The following FHIT variants were observed in gnomAD, a reference collection of about 807,000 sequenced individuals.
The protein encoded by FHIT is fragile histidine triad diadenosine triphosphatase.
FHIT carries 19 observed loss-of-function variants against 17.9 expected under a neutral mutation model. The observed-to-expected ratio is 1.06, with a 90% confidence interval of 0.74 to 1.56. The LOEUF (loss-of-function observed/expected upper bound fraction) is 1.56. Among genes scored for constraint, FHIT ranks in the 40% most tolerant of loss-of-function variants. The probability of loss-of-function intolerance (pLI) is 0.00; values close to 1 mark genes in which losing one functional copy is unlikely to be tolerated. For missense variants in FHIT, 248 were observed against 189.2 expected, an observed-to-expected ratio of 1.31 and a Z score of -1.82; for synonymous variants, 81 against 69.7, an observed-to-expected ratio of 1.16 and a Z score of -0.81.
chr3:60,699,043 A>T (rs373532745), intron 4 of FHIT, among the ~76,000 whole-genome samples: 14 of 152,322 alleles, frequency 9.2e-5, no homozygotes, highest in East Asian at 3.9e-4. Context: ...CATAAGTAAC[A>T]ATCTGTATCA....
chr3:60,094,295 A>T (rs1183268096), intron 5 of FHIT, among the ~76,000 whole-genome samples: 2 of 152,196 alleles, frequency 1.3e-5, no homozygotes, highest in Non-Finnish European at 2.9e-5. Context: ...GTGTGAAGGC[A>T]TCTAAACAAT....
chr3:61,205,071 G>A (rs1023011019), intron 1 of FHIT, among the ~76,000 whole-genome samples: 4 of 150,264 alleles, frequency 2.7e-5, no homozygotes, highest in East Asian at 2.0e-4. Flanking sequence ...AACATGCGCT[G>A]TTTGGTGTTT....
At chr3:61,055,093 T>C (rs1018394385) in intron 2 of FHIT, among the ~76,000 whole-genome samples, 1 of 98,696 alleles carries the variant, frequency 1.0e-5, no homozygotes, top group African/African-American at 5.4e-5. Flanking sequence ...GTATCTTTTG[T>C]TTGTTTGTTT....
chr3:60,531,578 G>A (rs1367955645), intron 5 of FHIT, among the ~76,000 whole-genome samples: 5 of 152,092 alleles, frequency 3.3e-5, no homozygotes, highest in African/African-American at 7.2e-5. Context: ...GCGCCCGGCC[G>A]AAAAGAAACT....
intron 5 of FHIT, among the ~76,000 whole-genome samples, chr3:60,456,547 T>G (rs1425412512): frequency 1.3e-5 from 2 of 152,242 alleles, no homozygotes; most frequent in Non-Finnish European, 2.9e-5. Context: ...CCCCATAGTT[T>G]ACTGTATCAT....
chr3:60,156,517 G>A (rs1317744206), intron 5 of FHIT, among the ~76,000 whole-genome samples: 2 of 152,124 alleles, frequency 1.3e-5, no homozygotes, highest in African/African-American at 2.4e-5. Flanking sequence ...GGGAGGCCAA[G>A]GCGGAAGAAT....
chr3:60,462,748 C>T (rs2032554143), intron 5 of FHIT, among the ~76,000 whole-genome samples: 2 of 152,104 alleles, frequency 1.3e-5, no homozygotes, highest in Admixed American at 1.3e-4. Context: ...AAGGTGCCAA[C>T]CATGCTGGAC....
rs187317131 is a variant in FHIT, at chr3:60,745,298, T to C, written c.-18+76621A>G. Among the ~76,000 whole-genome samples, 33 of 152,192 alleles carry C rather than the reference T, an allele frequency of 2.2e-4. No homozygotes were observed. In the East Asian group the frequency reaches 4.7e-3, roughly 21 times the overall value. Reference sequence around the variant, plus strand: ...ATTTAAAGCCAGGGGAAAAGCATCATAGGCAGCGGGAATCAAACACTCAAA... The same window carrying C: ...ATTTAAAGCCAGGGGAAAAGCATCACAGGCAGCGGGAATCAAACACTCAAA... On this transcript the variant is annotated intron_variant, in intron 4 of 9. Coordinates refer to ENST00000492590, the MANE Select transcript of FHIT (RefSeq NM_002012.4).
rs138879479 is a variant in FHIT, at chr3:60,502,716, G to A, written c.103+34144C>T. The stretch of plus-strand genomic sequence containing the variant: ...TAAACCCAATGGCAGTGACAAAACC[G>A]TCTGTAGTCATGAGGGCTGACGACA... On this transcript the variant is annotated intron_variant, in intron 5 of 9. Coordinates refer to ENST00000492590, the MANE Select transcript of FHIT (RefSeq NM_002012.4). 6.2e-4 allele frequency among the ~76,000 whole-genome samples: 94 copies of A among 152,254 alleles called. No individual in the cohort carries two copies. In the East Asian group the frequency reaches 0.013, roughly 21 times the overall value.
At chr3:61,075,467 A>G (rs1193301863) in intron 2 of FHIT, among the ~76,000 whole-genome samples, 13 of 152,180 alleles carry the variant, frequency 8.5e-5, no homozygotes. Flanking sequence ...AGCACCCAAC[A>G]AGTCAGAAAT....
chr3:59,749,047 C>G lies in FHIT; in HGVS notation c.*538G>C, dbSNP rs945501219. Among the ~76,000 whole-genome samples the G allele has an allele frequency of 6.6e-6, 1 of 152,076 alleles. No homozygotes were observed. Among genetic ancestry groups the G allele is most frequent in the East Asian group, 1.9e-4 (1 of 5,178 alleles). ...AATAATCACGAAAGCTGGAGAAGGC[C>G]AAGTCTATCTGACCTTCAGATTAAC... On this transcript the variant is annotated 3_prime_UTR_variant, in exon 10 of 10. Coordinates refer to ENST00000492590, the MANE Select transcript of FHIT (RefSeq NM_002012.4).
intron 7 of FHIT, among the ~76,000 whole-genome samples, chr3:59,929,968 A>G (rs1413271941): frequency 2.6e-5 from 4 of 152,044 alleles, no homozygotes; most frequent in Non-Finnish European, 5.9e-5. Context: ...GAGTAAGGGA[A>G]GGAAACAAGA....
chr3:60,947,969 C>T (rs1211250755), intron 3 of FHIT, among the ~76,000 whole-genome samples: 2 of 152,158 alleles, frequency 1.3e-5, no homozygotes, highest in African/African-American at 4.8e-5. Flanking sequence ...TACTCTTTAG[C>T]CCATAGAGGG....
intron 4 of FHIT, among the ~76,000 whole-genome samples, chr3:60,540,203 G>T (rs548318510): frequency 1.3e-5 from 2 of 152,014 alleles, no homozygotes; most frequent in Admixed American, 6.6e-5. Context: ...AGGATGGCTC[G>T]CCCTGGGAGA....
rs79475556 is a variant in FHIT at position 61,018,156 on chromosome 3, C to A, written c.-111+23891G>T. 4.6e-5 allele frequency among the ~76,000 whole-genome samples: 7 copies of A among 152,164 alleles called. No individual in the cohort carries two copies. The East Asian group carries it at 9.6e-4, about 21-fold the overall frequency. Reference sequence around the variant, plus strand: ...TCCTTATTATACAGATAGTCAAACACGATGATAAAAAGTAAGTAACTTTCT... The same window carrying A: ...TCCTTATTATACAGATAGTCAAACAAGATGATAAAAAGTAAGTAACTTTCT... On this transcript the variant is annotated intron_variant, in intron 3 of 9. Coordinates refer to ENST00000492590, the MANE Select transcript of FHIT (RefSeq NM_002012.4).
intron 5 of FHIT, among the ~76,000 whole-genome samples, chr3:60,158,126 C>T (rs1700782750): frequency 2.0e-5 from 3 of 152,068 alleles, no homozygotes; most frequent in Admixed American, 2.0e-4. Flanking sequence ...AAGAAAAAAG[C>T]AAACCCTTGA....
At chr3:60,066,084 C>A (rs1475377724) in intron 5 of FHIT, among the ~76,000 whole-genome samples, 1 of 152,096 alleles carries the variant, frequency 6.6e-6, no homozygotes, top group Non-Finnish European at 1.5e-5. Flanking sequence ...AACTCATTCC[C>A]AGAAAATGAT....
At chr3:60,260,908 C>A (rs213404) in intron 5 of FHIT, among the ~76,000 whole-genome samples, 115,743 of 151,888 alleles carry the variant, frequency 0.76, 44,462 homozygotes, top group East Asian at 0.99. Context: ...CTCCCACCAG[C>A]GCCATGACAG....
Position 60,409,417 on chromosome 3 carries a change from T to G in FHIT, c.103+127443A>C, listed in dbSNP as rs905248987. On this transcript the variant is annotated intron_variant, in intron 5 of 9. Coordinates refer to ENST00000492590, the MANE Select transcript of FHIT (RefSeq NM_002012.4). Reference sequence around the variant, plus strand: ...CTTGTAAAGCTGAATATAGGCATCATTTGGTTTACCAGAGCTGGCAATGAT... The same window carrying G: ...CTTGTAAAGCTGAATATAGGCATCAGTTGGTTTACCAGAGCTGGCAATGAT... Among the ~76,000 whole-genome samples, 35 of 152,340 alleles carry G rather than the reference T, an allele frequency of 2.3e-4. 1 individual carries two copies. The highest frequency in any genetic ancestry group is 7.9e-4 in the African/African-American group (33 of 41,594).
Sources: gnomAD v4.1 joint callset for allele counts (sites outside exome capture counted in the v4.1 genomes callset) on GRCh38, gnomAD v4.1.1 for gene constraint, MANE v1.5 for transcripts, NCBI Gene and HGNC (gene_info 2026-07-23, HGNC 2026-07-21) for gene names.